Variants in AMBRA1 observed in about 807,000 individuals in gnomAD.
AMBRA1 encodes activating molecule in BECN1-regulated autophagy protein 1.
AMBRA1 carries 47 observed loss-of-function variants against 125.4 expected under a neutral mutation model. The observed-to-expected ratio is 0.37, with a 90% CI of 0.30 to 0.48. The LOEUF is 0.48. AMBRA1 is among the 20% of genes least tolerant of loss of function. AMBRA1 has a pLI of 0.99. For missense variants in AMBRA1, 1,331 were observed against 1,693.4 expected (o/e 0.79, Z 3.76); for synonymous variants, 626 against 655.5 (o/e 0.95, Z 0.69).
rs561556678 is a variant in AMBRA1, at chr11:46,410,834, G to A, written c.3117-466C>T. On this transcript the variant is annotated intron_variant, in intron 15 of 17. Coordinates refer to ENST00000683756, the MANE Select transcript of AMBRA1 (RefSeq NM_001387011.1). ...GCAGAGGCCTTGGCCAGGCGCCAGT[G>A]GCTCACGCCTGTAATCCCAGCACTT... is the stretch of plus-strand genomic sequence containing the variant. Among the ~76,000 whole-genome samples, 29 of 152,350 alleles carry A rather than the reference G, an allele frequency of 1.9e-4. No individual in the cohort carries two copies. In the South Asian group the frequency reaches 5.4e-3, roughly 28 times the overall value.
intron 1 of AMBRA1, among the ~76,000 whole-genome samples, chr11:46,578,537 T>C (rs541006012): frequency 4.6e-4 from 70 of 151,370 alleles, no homozygotes; most frequent in African/African-American, 1.7e-3. Context: ...ATTATTATCA[T>C]ATAAATATGG....
At chr11:46,401,386 A>C (rs185054792) in intron 17 of AMBRA1, among the ~76,000 whole-genome samples, 1 of 152,306 alleles carries the variant, frequency 6.6e-6, no homozygotes, top group African/African-American at 2.4e-5. Flanking sequence ...GACTACAGGC[A>C]TGTGCCACCA....
chr11:46,572,703 C>T (rs143841871), intron 1 of AMBRA1, among the ~76,000 whole-genome samples: 71 of 152,218 alleles, frequency 4.7e-4, no homozygotes, highest in African/African-American at 1.5e-3. Context: ...TACTCTGAAC[C>T]AGGCACTTTA....
chr11:46,545,534 G>T, intron 5 of AMBRA1, 70 bp downstream of exon 5: 1 of 1,538,222 alleles, frequency 6.5e-7, no homozygotes, highest in South Asian at 1.2e-5. Context: ...CTTCCAAGGT[G>T]ACAGCCAGTA....
chr11:46,468,204 C>T (rs1949412435), intron 11 of AMBRA1, among the ~76,000 whole-genome samples: 1 of 151,988 alleles, frequency 6.6e-6, no homozygotes, highest in Non-Finnish European at 1.5e-5. Flanking sequence ...ATGCAGCAAG[C>T]AGTGCGTGGT....
At chr11:46,578,666 G>T (rs1241903524) in intron 1 of AMBRA1, among the ~76,000 whole-genome samples, 1 of 150,934 alleles carries the variant, frequency 6.6e-6, no homozygotes, top group East Asian at 2.0e-4. Flanking sequence ...GGCGGATCAC[G>T]AGGTCAGGAG....
intron 11 of AMBRA1, among the ~76,000 whole-genome samples, chr11:46,452,357 G>A (rs906766672): frequency 6.6e-6 from 1 of 151,922 alleles, no homozygotes; most frequent in Non-Finnish European, 1.5e-5. Context: ...TGTTGTTGTT[G>A]TTTGTTTTTT....
intron 11 of AMBRA1, among the ~76,000 whole-genome samples, chr11:46,473,672 G>C (rs769569186): frequency 1.4e-4 from 22 of 152,200 alleles, no homozygotes; most frequent in Non-Finnish European, 2.9e-4. Context: ...TTGTTTTTGA[G>C]ACGGAGTCTC....
chr11:46,514,889 TG>T (rs1301283568), intron 7 of AMBRA1, among the ~76,000 whole-genome samples: 1 of 152,086 alleles, frequency 6.6e-6, no homozygotes, highest in African/African-American at 2.4e-5. Context: ...ATACAGAGTC[TG>T]GGAAAAAAGG....
chr11:46,532,678 G>A (rs924312313), intron 7 of AMBRA1, among the ~76,000 whole-genome samples: 50 of 152,136 alleles, frequency 3.3e-4, no homozygotes, highest in African/African-American at 1.2e-3. Flanking sequence ...CTTGTGATCC[G>A]CCCACCTTGG....
chr11:46,439,862 T>G (rs1444954780), intron 12 of AMBRA1, among the ~76,000 whole-genome samples: 2 of 151,578 alleles, frequency 1.3e-5, no homozygotes, highest in Non-Finnish European at 1.5e-5. Flanking sequence ...TGAAGAGGCA[T>G]GCAATCTTGT....
chr11:46,592,697 G>C (rs546990112), intron 1 of AMBRA1, among the ~76,000 whole-genome samples: 1 of 151,876 alleles, frequency 6.6e-6, no homozygotes, highest in Non-Finnish European at 1.5e-5. Context: ...GGCAGAGGTT[G>C]CAGTGAGCCA....
At chr11:46,409,440 C>T (rs1286006093) in intron 16 of AMBRA1, among the ~76,000 whole-genome samples, 3 of 152,170 alleles carry the variant, frequency 2.0e-5, no homozygotes, top group African/African-American at 4.8e-5. Flanking sequence ...CCTCGTGATC[C>T]GCCCGCCTCA....
At chr11:46,461,077 T>C (rs2136834279) in intron 11 of AMBRA1, among the ~76,000 whole-genome samples, 1 of 152,224 alleles carries the variant, frequency 6.6e-6, no homozygotes, top group African/African-American at 2.4e-5. Flanking sequence ...ACTTTATTGC[T>C]ACAAAAAATT....
chr11:46,577,794 T>C (rs1243579910), intron 1 of AMBRA1, among the ~76,000 whole-genome samples: 1 of 151,822 alleles, frequency 6.6e-6, no homozygotes, highest in Non-Finnish European at 1.5e-5. Context: ...CTACTAAAAG[T>C]ACAAAATGTG....
At chr11:46,416,713 G>C (rs1310392185) in intron 15 of AMBRA1, among the ~76,000 whole-genome samples, 1 of 152,232 alleles carries the variant, frequency 6.6e-6, no homozygotes, top group Non-Finnish European at 1.5e-5. Context: ...GTGATCTGCA[G>C]AACACTCTGG....
chr11:46,475,864 G>A lies in AMBRA1; in HGVS notation c.2521+17744C>T, dbSNP rs373970515. On this transcript the variant is annotated intron_variant, in intron 11 of 17. Transcript: ENST00000683756. Reference sequence around the variant, plus strand: ...ATTCACAAGAAAGAAGGCAAAGAAAGCAGGCAGCTTCAAATAAAGGATATA... The same window carrying A: ...ATTCACAAGAAAGAAGGCAAAGAAAACAGGCAGCTTCAAATAAAGGATATA... Among the ~76,000 whole-genome samples, 80 of 152,346 alleles carry A rather than the reference G, an allele frequency of 5.3e-4. No individual in the cohort carries two copies. In the East Asian group the frequency reaches 0.011, roughly 20 times the overall value.
chr11:46,472,499 G>A (rs1365838980), intron 11 of AMBRA1, among the ~76,000 whole-genome samples: 2 of 152,140 alleles, frequency 1.3e-5, no homozygotes, highest in Non-Finnish European at 2.9e-5. Flanking sequence ...GGAACATAGC[G>A]GTAAGTACCA....
intron 1 of AMBRA1, among the ~76,000 whole-genome samples, chr11:46,587,000 G>T (rs1232327360): frequency 6.6e-6 from 1 of 151,986 alleles, no homozygotes; most frequent in Non-Finnish European, 1.5e-5. Flanking sequence ...TATACTATAG[G>T]TATATATACC....
Sources: allele counts gnomAD v4.1 joint callset (sites outside exome capture counted in the v4.1 genomes callset), GRCh38; gene constraint gnomAD v4.1.1; transcripts MANE v1.5; gene names NCBI Gene and HGNC (gene_info 2026-07-23, HGNC 2026-07-21).